Variants in SERINC5 observed in about 807,000 individuals in gnomAD.
SERINC5 encodes chromosome 5 open reading frame 12.
Under a neutral mutation model 63.1 loss-of-function variants are expected in SERINC5, and 41 were observed. The observed-to-expected ratio is 0.65, with a 90% CI of 0.51 to 0.84. The LOEUF (loss-of-function observed/expected upper bound fraction) is 0.84. Ranked by LOEUF, SERINC5 falls within the 40% of genes least tolerant of loss-of-function variation. The probability of loss-of-function intolerance (pLI) is 0.00; values close to 1 mark genes in which losing one functional copy is unlikely to be tolerated. For synonymous variants in SERINC5, 222 were observed against 215.2 expected (o/e 1.03, Z -0.28); for missense variants, 523 against 573.0 (o/e 0.91, Z 0.89).
rs59804063 is a variant in SERINC5 at position 80,226,167 on chromosome 5, C to T, written c.28-23114G>A. 2.1e-3 allele frequency among the ~76,000 whole-genome samples: 324 copies of T among 152,284 alleles called. 2 individuals carry two copies. The highest frequency in any genetic ancestry group is 7.3e-3 in the African/African-American group (305 of 41,544). ...TCCAACTCCCACTTCAAGCGATTCTCGTGCCTCAGACTCCCAAGTAGCTGG... is the reference window on the plus strand; with the variant it reads ...TCCAACTCCCACTTCAAGCGATTCTTGTGCCTCAGACTCCCAAGTAGCTGG... On this transcript the variant is annotated intron_variant, in intron 1 of 11. Transcript: ENST00000507668.
rs540530066 is a variant in SERINC5, at chr5:80,255,666, G to C, written c.27+230C>G. On this transcript the variant is annotated intron_variant, in intron 1 of 11. Coordinates refer to ENST00000507668, the MANE Select transcript of SERINC5 (RefSeq NM_001174072.3). ...GCTCCACGCGGAGTCCCGGAGGCCG[G>C]ACGGGAAGACCCCGGGGTAGCCTCT... Among the ~76,000 whole-genome samples the C allele has an allele frequency of 7.4e-4, 113 of 152,286 alleles. 1 individual carries two copies. In the Middle Eastern group the frequency reaches 0.01, roughly 14 times the overall value.
chr5:80,114,761 C>A (rs1478920521), intron 11 of SERINC5: 2 of 151,832 alleles, frequency 1.3e-5, no homozygotes, highest in Non-Finnish European at 2.9e-5. Flanking sequence ...CCAGGTCCCT[C>A]CCACAACATG....
intron 1 of SERINC5, among the ~76,000 whole-genome samples, chr5:80,239,467 C>CTTTT (rs35238009): frequency 7.5e-6 from 1 of 133,948 alleles, no homozygotes; most frequent in African/African-American, 2.8e-5. Flanking sequence ...CACTGGGATT[C>CTTTT]TTTTTTTTTT....
chr5:80,209,553 C>G (rs1561428460), intron 1 of SERINC5, among the ~76,000 whole-genome samples: 1 of 152,186 alleles, frequency 6.6e-6, no homozygotes, highest in Non-Finnish European at 1.5e-5. Flanking sequence ...GCAGTACGCC[C>G]TGCTATTTCA....
intron 7 of SERINC5, among the ~76,000 whole-genome samples, chr5:80,159,436 G>GT (rs888193995): frequency 2.0e-4 from 29 of 147,406 alleles, no homozygotes; most frequent in East Asian, 1.2e-3. Flanking sequence ...CCTGAGGTGT[G>GT]TTTTTTTTTT....
At chr5:80,172,921 T>C (rs1192256263) in intron 5 of SERINC5, among the ~76,000 whole-genome samples, 1 of 152,172 alleles carries the variant, frequency 6.6e-6, no homozygotes, top group Non-Finnish European at 1.5e-5. Context: ...AACCCTAACC[T>C]TTCCCCTGAA....
chr5:80,161,965 G>A (rs1009891050), intron 7 of SERINC5, among the ~76,000 whole-genome samples: 1 of 152,214 alleles, frequency 6.6e-6, no homozygotes, highest in South Asian at 2.1e-4. Context: ...TATTGAAAAG[G>A]GTATCCTTTC....
At chr5:80,205,913 T>TACAAAACAAA (rs200755222) in intron 1 of SERINC5, among the ~76,000 whole-genome samples, 4 of 119,094 alleles carry the variant, frequency 3.4e-5, no homozygotes, top group African/African-American at 1.3e-4. Flanking sequence ...CTCTACTAAA[T>TACAAAACAAA]ACAAAACAAA....
At chr5:80,164,124 AGTTT>A (rs1302879869) in intron 7 of SERINC5, among the ~76,000 whole-genome samples, 3 of 151,662 alleles carry the variant, frequency 2.0e-5, no homozygotes, top group African/African-American at 7.3e-5. Flanking sequence ...TAGCTTTTCT[AGTTT>A]GTAAGTATAT....
At chr5:80,235,298 ATTG>A (rs1213977469) in intron 1 of SERINC5, among the ~76,000 whole-genome samples, 1 of 152,178 alleles carries the variant, frequency 6.6e-6, no homozygotes, top group Non-Finnish European at 1.5e-5. Flanking sequence ...ATAATATTCC[ATTG>A]TTAATTTCAT....
downstream of SERINC5, among the ~76,000 whole-genome samples, chr5:80,137,904 C>CTCCA (rs1448935682): frequency 6.6e-6 from 1 of 151,968 alleles, no homozygotes; most frequent in Non-Finnish European, 1.5e-5. Context: ...TGTCACTGTA[C>CTCCA]TCCAGCCTGG....
In SERINC5 at chr5:80,228,285, AG is replaced by A. The variant is rs1399990977; in HGVS notation, c.28-25233del. Among the ~76,000 whole-genome samples the A allele has an allele frequency of 2.8e-3, 144 of 51,834 alleles. 1 individual carries two copies. Among genetic ancestry groups the A allele is most frequent in the African/African-American group, 0.011 (139 of 12,200 alleles). The allele number at this position is 51,834 out of a possible 152,430, so 34.0% of individuals were successfully genotyped here. ...AAGGAAAGGAGGGAGGGAGGGAGGG[AG>A]GGAAAGGAGGGAGGGAGGGAGGGGG... On this transcript the variant is annotated intron_variant, in intron 1 of 11. Transcript: ENST00000507668.
At chr5:80,120,267 G>A (rs150777797) in intron 11 of SERINC5, among the ~76,000 whole-genome samples, 9 of 152,292 alleles carry the variant, frequency 5.9e-5, no homozygotes, top group African/African-American at 2.2e-4. Context: ...AGGGGATATG[G>A]TTCTAAGTTA....
chr5:80,180,205 A>G (rs961865192), intron 2 of SERINC5, among the ~76,000 whole-genome samples: 1 of 152,260 alleles, frequency 6.6e-6, no homozygotes, highest in Non-Finnish European at 1.5e-5. Context: ...AATGAGAACA[A>G]GCAGCACATT....
rs746144937 is a variant in SERINC5, at chr5:80,141,859, T to C, written c.*1804A>G. On this transcript the variant is annotated 3_prime_UTR_variant, in exon 12 of 12. Transcript: ENST00000507668. ...CTCTAAACCACACACACAGATGGAGTGCCTTTTGAAACTGAATCTCAAACA... is the reference window on the plus strand; with the variant it reads ...CTCTAAACCACACACACAGATGGAGCGCCTTTTGAAACTGAATCTCAAACA... 2.7e-5 allele frequency: 27 copies of C among 985,088 alleles called. No homozygotes were observed. Among genetic ancestry groups the C allele is most frequent in the Non-Finnish European group, 3.3e-5 (27 of 829,864 alleles). 61.0% of individuals were successfully genotyped at this position (985,088 alleles called of 1,614,324 possible).
In SERINC5 at chr5:80,177,180, G is replaced by A. The variant is rs188166305; in HGVS notation, c.457+135C>T. The A allele has an allele frequency of 2.4e-4, 150 of 629,860 alleles. 1 individual carries two copies. In the African/African-American group the frequency reaches 2.6e-3, roughly 11 times the overall value. The allele number at this position is 629,860 out of a possible 1,614,324, so 39.0% of individuals were successfully genotyped here. A position where few individuals can be genotyped will look rare whatever the true frequency, so the allele number is the denominator to read the frequency against. ...TGATGGAAAAAGTATGGGCAGGTAA[G>A]TCAGGAATTTCTTTTGAAGCCAAAA... On this transcript the variant is annotated intron_variant, in intron 4 of 11. Transcript: ENST00000507668.
intron 2 of SERINC5, among the ~76,000 whole-genome samples, chr5:80,181,354 C>T (rs1748405238): frequency 6.6e-6 from 1 of 151,966 alleles, no homozygotes; most frequent in Non-Finnish European, 1.5e-5. Context: ...TCAAGCCATC[C>T]TCCTACCTCA....
At chr5:80,244,590 G>C (rs1223471313) in intron 1 of SERINC5, among the ~76,000 whole-genome samples, 2 of 151,774 alleles carry the variant, frequency 1.3e-5, no homozygotes, top group Non-Finnish European at 2.9e-5. Flanking sequence ...CAGCACTTTG[G>C]GAGGCTGAGG....
downstream of SERINC5, chr5:80,138,606 G>GA (rs112745213): frequency 2.0e-3 from 327 of 167,246 alleles, no homozygotes; most frequent in Non-Finnish European, 3.6e-3. Context: ...CAAAAAAACA[G>GA]AAAAAAAAAA....
Sources: allele counts gnomAD v4.1 joint callset (sites outside exome capture counted in the v4.1 genomes callset), GRCh38; gene constraint gnomAD v4.1.1; transcripts MANE v1.5; gene names NCBI Gene and HGNC (gene_info 2026-07-23, HGNC 2026-07-21).